The following ART3 variants were observed in gnomAD, a reference collection of about 807,000 sequenced individuals.
The protein encoded by ART3 is ecto-ADP-ribosyltransferase 3.
Under a neutral mutation model 48.5 loss-of-function variants are expected in ART3, and 49 were observed. The observed-to-expected ratio is 1.01, with a 90% CI of 0.80 to 1.28. The LOEUF is 1.28. ART3 is among the 50% of genes most tolerant of loss of function. The pLI is 0.00. For missense variants in ART3, 438 were observed against 454.3 expected, an observed-to-expected ratio of 0.96 and a Z score of 0.33; for synonymous variants, 145 against 157.2, an observed-to-expected ratio of 0.92 and a Z score of 0.58.
At chr4:76,076,669 AAT>A (rs1461886927) in intron 2 of ART3, among the ~76,000 whole-genome samples, 2 of 152,200 alleles carry the variant, frequency 1.3e-5, no homozygotes, top group Admixed American at 6.5e-5. Flanking sequence ...AGATATTCTG[AAT>A]ATATGTTTTT....
chr4:76,106,859 T>C (rs1698367590), intron 10 of ART3, among the ~76,000 whole-genome samples: 1 of 152,082 alleles, frequency 6.6e-6, no homozygotes, highest in African/African-American at 2.4e-5. Context: ...GAGCTCGAAT[T>C]TAAAGTGGTG....
At chr4:76,075,086 C>A (rs554619032) in intron 1 of ART3, among the ~76,000 whole-genome samples, 85 of 152,280 alleles carry the variant, frequency 5.6e-4, no homozygotes, top group African/African-American at 2.0e-3. Context: ...CTTCTCCCTT[C>A]CCCTGTGCTG....
intron 1 of ART3, among the ~76,000 whole-genome samples, chr4:76,061,891 A>C (rs1432907321): frequency 2.6e-5 from 4 of 152,270 alleles, no homozygotes; most frequent in Non-Finnish European, 5.9e-5. Flanking sequence ...ATGCCAAAGA[A>C]TAAGAATTGT....
chr4:76,106,270 A>G, intron 10 of ART3: 1 of 985,444 alleles, frequency 1.0e-6, no homozygotes, highest in Non-Finnish European at 1.2e-6. Context: ...ATTTGGCTTC[A>G]AAGCTGTTAA....
chr4:76,107,451 G>T, intron 10 of ART3: 1 of 194,016 alleles, frequency 5.2e-6, no homozygotes, highest in Non-Finnish European at 1.0e-5. Context: ...ATGGCACATA[G>T]TGAACACTCA....
At position 76,082,462 on chromosome 4, in the gene ART3, G is replaced by C. The variant is rs1193983397; in HGVS notation, c.708G>C (p.Glu236Asp). The change falls in exon 3 of 12, where the codon GAG becomes GAC. Residue 236 changes from glutamate to aspartate, a missense_variant. Glu to Asp is a conservative substitution (Grantham distance 45). Transcript: ENST00000355810. Reference protein sequence around the residue: ...PLNEVFQVSQEGAGNNLILQS... With the variant: ...PLNEVFQVSQDGAGNNLILQS... ...ATGAGGTTTTTCAAGTGTCACAGGA[G>C]GGGGCTGGCAATAACCTTATCCTTC... is the stretch of plus-strand genomic sequence containing the variant. 3.1e-6 allele frequency: 5 copies of C among 1,613,060 alleles called. No individual in the cohort carries two copies. The South Asian group carries it at 4.4e-5, about 14-fold the overall frequency.
chr4:76,050,961 C>T (rs927329169), intron 1 of ART3, among the ~76,000 whole-genome samples: 13 of 152,220 alleles, frequency 8.5e-5, no homozygotes, highest in African/African-American at 1.2e-4. Context: ...GTGCGGGGCC[C>T]GCCAAGCCCA....
chr4:76,076,071 T>A, intron 2 of ART3, 113 bp downstream of exon 2: 2 of 879,670 alleles, frequency 2.3e-6, no homozygotes, highest in Non-Finnish European at 3.5e-6. Flanking sequence ...GTGGCTCGAT[T>A]TCGGCTCACT....
intron 1 of ART3, among the ~76,000 whole-genome samples, chr4:76,049,928 G>T (rs920326542): frequency 6.6e-6 from 1 of 151,762 alleles, no homozygotes; most frequent in African/African-American, 2.4e-5. Context: ...TTCGGAGTTT[G>T]TTCCTTCTGG....
At chr4:76,012,682 A>G (rs1731911117) in intron 1 of ART3, among the ~76,000 whole-genome samples, 1 of 152,212 alleles carries the variant, frequency 6.6e-6, no homozygotes, top group African/African-American at 2.4e-5. Flanking sequence ...TGTTAAGGAC[A>G]TGATGTAAAG....
intron 1 of ART3, chr4:76,036,822 G>T: frequency 8.2e-6 from 2 of 243,192 alleles, no homozygotes; most frequent in Non-Finnish European, 8.7e-6. Flanking sequence ...TTCTCTTGGT[G>T]CAGATGTTTG....
At chr4:76,099,606 G>A (rs1262228768) in intron 5 of ART3, 3 of 154,090 alleles carry the variant, frequency 1.9e-5, no homozygotes, top group East Asian at 3.9e-4. Flanking sequence ...TCATTGAAAT[G>A]AACCTGTGTG....
intron 1 of ART3, among the ~76,000 whole-genome samples, chr4:76,049,165 A>G (rs1188809483): frequency 6.6e-6 from 1 of 151,946 alleles, no homozygotes; most frequent in Non-Finnish European, 1.5e-5. Flanking sequence ...TGGGTGCCTA[A>G]AGAAGGTAAC....
At chr4:76,079,013 G>A (rs892250154) in intron 2 of ART3, among the ~76,000 whole-genome samples, 10 of 152,028 alleles carry the variant, frequency 6.6e-5, no homozygotes, top group African/African-American at 1.4e-4. Flanking sequence ...CCCGGCAGGC[G>A]GAGCTTGCAG....
At chr4:76,089,363 C>T (rs1359956686) in intron 3 of ART3, among the ~76,000 whole-genome samples, 1 of 152,162 alleles carries the variant, frequency 6.6e-6, no homozygotes, top group African/African-American at 2.4e-5. Context: ...GTGATTGGAT[C>T]ATGGGGGCTG....
At chr4:76,064,775 A>G (rs1479862497) in intron 1 of ART3, among the ~76,000 whole-genome samples, 4 of 152,188 alleles carry the variant, frequency 2.6e-5, no homozygotes, top group Non-Finnish European at 4.4e-5. Context: ...AAAATATACT[A>G]ACAATATTGC....
rs36204603 is a variant in ART3 at position 76,023,225 on chromosome 4, A to G, written c.-10+11905A>G. On this transcript the variant is annotated intron_variant, in intron 1 of 9. Transcript: ENST00000341029. ...TCTCACTTCAATTCATATAAGTTTT[A>G]TGATCTGAGGGAATCTCTATTTATT... 6.8e-4 allele frequency: 448 copies of G among 657,588 alleles called. 2 individuals are homozygous for G. The African/African-American group carries it at 7.4e-3, about 11-fold the overall frequency. 40.7% of individuals were successfully genotyped at this position (657,588 alleles called of 1,614,324 possible).
chr4:76,095,526 T>A (rs1263948947), intron 3 of ART3, among the ~76,000 whole-genome samples: 1 of 151,954 alleles, frequency 6.6e-6, no homozygotes, highest in Non-Finnish European at 1.5e-5. Flanking sequence ...AAAATAATAA[T>A]AAATAAAGAT....
intron 1 of ART3, chr4:76,036,969 C>A: frequency 5.6e-6 from 1 of 179,554 alleles, no homozygotes; most frequent in South Asian, 1.5e-4. Flanking sequence ...TGAGTTTGGT[C>A]AGGCGCCCAC....
Sources: allele counts gnomAD v4.1 joint callset (sites outside exome capture counted in the v4.1 genomes callset), GRCh38; gene constraint gnomAD v4.1.1; transcripts MANE v1.5; gene names NCBI Gene and HGNC (gene_info 2026-07-23, HGNC 2026-07-21).